LSAMP: variants seen among roughly 807,000 people sequenced by gnomAD.
LSAMP encodes the protein limbic system-associated membrane protein.
In LSAMP, 7 loss-of-function variants were observed where a neutral mutation model predicts 38.6. The ratio of observed to expected loss-of-function variants is 0.18; its 90% CI spans 0.10 to 0.34. The LOEUF (loss-of-function observed/expected upper bound fraction) is 0.34, where lower values mean the gene tolerates loss of function less well. LSAMP is among the 10% of genes least tolerant of loss of function. The probability of loss-of-function intolerance (pLI) is 1.00; values close to 1 mark genes in which losing one functional copy is unlikely to be tolerated. For missense variants in LSAMP, 313 were observed against 420.0 expected (o/e 0.75, Z 2.23); for synonymous variants, 154 against 166.8 (o/e 0.92, Z 0.59).
At chr3:116,033,521 C>T (rs1301581264) in intron 2 of LSAMP, among the ~76,000 whole-genome samples, 2 of 152,146 alleles carry the variant, frequency 1.3e-5, no homozygotes. Context: ...ATCTCCCCCT[C>T]GTGGCTCCCG....
chr3:115,981,653 C>T (rs1423438052), intron 3 of LSAMP, among the ~76,000 whole-genome samples: 1 of 152,144 alleles, frequency 6.6e-6, no homozygotes, highest in Admixed American at 6.6e-5. Flanking sequence ...TGGCTAGTTG[C>T]TCAGAAGCAT....
chr3:116,258,855 G>A (rs9835239), intron 1 of LSAMP, among the ~76,000 whole-genome samples: 150,235 of 152,214 alleles, frequency 0.99, 74,183 homozygotes, highest in Middle Eastern at 1. Context: ...GGAGAGTGAC[G>A]TCTATGCATA....
chr3:116,433,991 T>G (rs1297363896), intron 1 of LSAMP, among the ~76,000 whole-genome samples: 4 of 152,152 alleles, frequency 2.6e-5, no homozygotes, highest in African/African-American at 9.7e-5. Flanking sequence ...GCCCTTCTCA[T>G]TTTCCAAAAA....
At chr3:116,384,840 T>C (rs2048604918) in intron 1 of LSAMP, among the ~76,000 whole-genome samples, 1 of 152,184 alleles carries the variant, frequency 6.6e-6, no homozygotes, top group African/African-American at 2.4e-5. Flanking sequence ...AATTATGTTT[T>C]TCTAATTCAA....
At chr3:116,237,422 A>G (rs2046479623) in intron 1 of LSAMP, among the ~76,000 whole-genome samples, 1 of 152,184 alleles carries the variant, frequency 6.6e-6, no homozygotes, top group Non-Finnish European at 1.5e-5. Flanking sequence ...ATTGTTGATA[A>G]GTGAAAAAAT....
At chr3:116,409,534 A>T (rs4831137) in intron 1 of LSAMP, among the ~76,000 whole-genome samples, 3 of 151,610 alleles carry the variant, frequency 2.0e-5, no homozygotes, top group African/African-American at 7.3e-5. Flanking sequence ...CCTGCAATCC[A>T]TTCTTTAAAA....
chr3:116,429,019 T>G (rs2049242715), intron 1 of LSAMP, among the ~76,000 whole-genome samples: 1 of 152,230 alleles, frequency 6.6e-6, no homozygotes, highest in Admixed American at 6.5e-5. Flanking sequence ...TCCTCAATTT[T>G]CTTTGTTTGG....
intron 1 of LSAMP, among the ~76,000 whole-genome samples, chr3:116,165,887 C>T (rs541180360): frequency 2.0e-5 from 3 of 152,290 alleles, no homozygotes; most frequent in East Asian, 1.9e-4. Flanking sequence ...CAGTTCCCTT[C>T]CCACCCCATC....
intron 1 of LSAMP, among the ~76,000 whole-genome samples, chr3:116,111,480 G>T (rs1454130309): frequency 1.3e-5 from 2 of 152,078 alleles, no homozygotes; most frequent in East Asian, 3.9e-4. Context: ...GTGTTCAAAG[G>T]TTTATTTAGA....
At chr3:116,387,959 T>C (rs564445680) in intron 1 of LSAMP, among the ~76,000 whole-genome samples, 10 of 149,696 alleles carry the variant, frequency 6.7e-5, no homozygotes, top group Non-Finnish European at 1.2e-4. Flanking sequence ...AAAAAATGAG[T>C]TGGGTGTGGT....
intron 6 of LSAMP, among the ~76,000 whole-genome samples, chr3:115,826,175 C>A (rs575641215): frequency 1.3e-5 from 2 of 151,758 alleles, no homozygotes; most frequent in African/African-American, 4.8e-5. Flanking sequence ...AGTGCAGTGG[C>A]GCAATCTTGG....
intron 4 of LSAMP, among the ~76,000 whole-genome samples, chr3:115,845,626 A>G (rs957379444): frequency 6.6e-6 from 1 of 152,078 alleles, no homozygotes; most frequent in Admixed American, 6.5e-5. Context: ...TTCTGCTTTC[A>G]TGTGGGCAGG....
chr3:115,926,970 C>T (rs1937510619), intron 3 of LSAMP, among the ~76,000 whole-genome samples: 1 of 152,132 alleles, frequency 6.6e-6, no homozygotes, highest in African/African-American at 2.4e-5. Context: ...TTATTCTTCG[C>T]TGCATATTCA....
chr3:115,856,302 GA>G (rs1364868855), intron 3 of LSAMP, among the ~76,000 whole-genome samples: 1 of 152,160 alleles, frequency 6.6e-6, no homozygotes, highest in East Asian at 1.9e-4. Flanking sequence ...GAGCCTTCAT[GA>G]ATGAGATTAG....
intron 4 of LSAMP, among the ~76,000 whole-genome samples, chr3:115,850,916 T>C (rs2107520573): frequency 1.3e-5 from 2 of 152,300 alleles, no homozygotes; most frequent in African/African-American, 4.8e-5. Flanking sequence ...ATGATGCTTA[T>C]CTCATAGGTT....
chr3:115,887,955 G>A (rs749121397), intron 3 of LSAMP, among the ~76,000 whole-genome samples: 20 of 151,710 alleles, frequency 1.3e-4, no homozygotes, highest in Admixed American at 3.3e-4. Flanking sequence ...AACTATTGAC[G>A]GGCAGTAAAG....
At chr3:116,319,443 A>C (rs1251586795) in intron 1 of LSAMP, among the ~76,000 whole-genome samples, 1 of 152,202 alleles carries the variant, frequency 6.6e-6, no homozygotes, top group East Asian at 1.9e-4. Flanking sequence ...CAGCATTCAT[A>C]TTATATACGG....
At chr3:116,213,057 C>G (rs1249380893) in intron 1 of LSAMP, among the ~76,000 whole-genome samples, 2 of 152,260 alleles carry the variant, frequency 1.3e-5, no homozygotes, top group South Asian at 4.1e-4. Flanking sequence ...GCTTCACTGT[C>G]CATGACCAAT....
chr3:116,326,489 G>A (rs566401206), intron 1 of LSAMP, among the ~76,000 whole-genome samples: 24 of 152,040 alleles, frequency 1.6e-4, no homozygotes, highest in South Asian at 4.1e-4. Flanking sequence ...AATGACACTA[G>A]AGTGCAATGC....
Sources: allele counts gnomAD v4.1 joint callset (sites outside exome capture counted in the v4.1 genomes callset), GRCh38; gene constraint gnomAD v4.1.1; transcripts MANE v1.5; gene names NCBI Gene and HGNC (gene_info 2026-07-23, HGNC 2026-07-21).